The following WWOX variants were observed in gnomAD, a reference collection of about 807,000 sequenced individuals.
The protein encoded by WWOX is WW domain containing oxidoreductase.
Under a neutral mutation model 46.2 loss-of-function variants are expected in WWOX, and 69 were observed. The observed-to-expected ratio is 1.49, with a 90% CI of 1.23 to 1.82. The LOEUF (loss-of-function observed/expected upper bound fraction) is 1.82. Ranked by LOEUF, WWOX falls within the 40% of genes most tolerant of loss-of-function variation. The pLI is 0.00. For missense variants in WWOX, 919 were observed against 542.6 expected (o/e 1.69, Z -6.89); for synonymous variants, 359 against 202.6 (o/e 1.77, Z -6.56).
intron 8 of WWOX, among the ~76,000 whole-genome samples, chr16:78,980,438 G>A (rs994646359): frequency 2.6e-5 from 4 of 152,164 alleles, no homozygotes; most frequent in African/African-American, 9.7e-5. Flanking sequence ...CACTTGAATT[G>A]ACAACATCAC....
intron 8 of WWOX, among the ~76,000 whole-genome samples, chr16:78,900,488 A>G (rs1006752417): frequency 6.6e-6 from 1 of 152,180 alleles, no homozygotes. Flanking sequence ...CTGCCTCACA[A>G]CTTTCAAGAA....
At chr16:78,421,390 C>T (rs1005365754) in intron 6 of WWOX, among the ~76,000 whole-genome samples, 2 of 152,146 alleles carry the variant, frequency 1.3e-5, no homozygotes, top group Non-Finnish European at 1.5e-5. Flanking sequence ...CTTTCCATCT[C>T]CTTCTCTGTG....
At chr16:79,139,513 A>G (rs1274053019) in intron 8 of WWOX, among the ~76,000 whole-genome samples, 4 of 152,324 alleles carry the variant, frequency 2.6e-5, no homozygotes, top group South Asian at 2.1e-4. Flanking sequence ...CATCATTTTT[A>G]CTGATGTCCA....
chr16:78,618,589 T>G (rs1358930232), intron 8 of WWOX, among the ~76,000 whole-genome samples: 1 of 152,198 alleles, frequency 6.6e-6, no homozygotes, highest in African/African-American at 2.4e-5. Flanking sequence ...AGTCACATTG[T>G]GAGGTACTGG....
chr16:78,648,466 C>T (rs947381916), intron 8 of WWOX, among the ~76,000 whole-genome samples: 1 of 152,132 alleles, frequency 6.6e-6, no homozygotes, highest in Non-Finnish European at 1.5e-5. Context: ...AATGAGACAC[C>T]AAAGATACAC....
At chr16:78,967,271 C>A (rs868515988) in intron 8 of WWOX, among the ~76,000 whole-genome samples, 1 of 147,960 alleles carries the variant, frequency 6.8e-6, no homozygotes, top group South Asian at 2.2e-4. Flanking sequence ...GGCAACTACT[C>A]CTGCCTGCCG....
intron 8 of WWOX, among the ~76,000 whole-genome samples, chr16:79,150,702 C>T (rs1294071023): frequency 6.6e-6 from 1 of 152,080 alleles, no homozygotes; most frequent in Non-Finnish European, 1.5e-5. Flanking sequence ...CCCAGGCCAC[C>T]GTTTATGTTG....
intron 5 of WWOX, among the ~76,000 whole-genome samples, chr16:78,234,251 C>T (rs761952608): frequency 1.6e-4 from 24 of 152,062 alleles, no homozygotes; most frequent in Non-Finnish European, 2.8e-4. Flanking sequence ...ATGCTCTAAT[C>T]CCTAAATTTT....
At chr16:78,517,649 C>T (rs536958519) in intron 8 of WWOX, among the ~76,000 whole-genome samples, 14 of 152,170 alleles carry the variant, frequency 9.2e-5, no homozygotes, top group African/African-American at 2.2e-4. Context: ...CAGCGCTCCC[C>T]GCAATCCATG....
intron 5 of WWOX, among the ~76,000 whole-genome samples, chr16:78,356,697 A>G (rs1428926126): frequency 2.6e-5 from 4 of 152,224 alleles, no homozygotes; most frequent in South Asian, 4.2e-4. Context: ...CCTGGCCAGC[A>G]TGGTGAAACC....
intron 8 of WWOX, among the ~76,000 whole-genome samples, chr16:78,840,003 G>A (rs1384378124): frequency 6.6e-6 from 1 of 152,150 alleles, no homozygotes; most frequent in Non-Finnish European, 1.5e-5. Flanking sequence ...CCTTTTCTGA[G>A]CCACAGTTTC....
At chr16:78,109,478 T>C (rs1171279356) in intron 2 of WWOX, among the ~76,000 whole-genome samples, 1 of 152,210 alleles carries the variant, frequency 6.6e-6, no homozygotes, top group Non-Finnish European at 1.5e-5. Context: ...CATATGTTCT[T>C]TGAGCTCATT....
intron 5 of WWOX, among the ~76,000 whole-genome samples, chr16:78,316,694 T>C (rs2080363327): frequency 6.6e-6 from 1 of 152,154 alleles, no homozygotes; most frequent in Non-Finnish European, 1.5e-5. Flanking sequence ...CTGTATTGTC[T>C]TTTCTGCTGC....
At chr16:78,156,637 C>T (rs966987691) in intron 4 of WWOX, among the ~76,000 whole-genome samples, 32 of 152,222 alleles carry the variant, frequency 2.1e-4, no homozygotes, top group African/African-American at 7.5e-4. Context: ...ATAAATAAAG[C>T]TCTGTACTGG....
chr16:78,132,735 G>A (rs35327952), intron 4 of WWOX, among the ~76,000 whole-genome samples: 20,418 of 152,174 alleles, frequency 0.13, 1,551 homozygotes, highest in East Asian at 0.25. Context: ...CTTTGCTCCT[G>A]TTACGACTTA....
At chr16:78,749,924 G>A (rs1331727616) in intron 8 of WWOX, among the ~76,000 whole-genome samples, 1 of 152,154 alleles carries the variant, frequency 6.6e-6, no homozygotes, top group Non-Finnish European at 1.5e-5. Context: ...AGGTCAGAGA[G>A]TAGACTTTTA....
At chr16:78,214,311 T>G (rs531291955) in intron 5 of WWOX, among the ~76,000 whole-genome samples, 7 of 147,146 alleles carry the variant, frequency 4.8e-5, no homozygotes, top group African/African-American at 1.8e-4. Context: ...TGAACCTCTC[T>G]GAACTTCAAT....
intron 8 of WWOX, among the ~76,000 whole-genome samples, chr16:78,803,242 GT>G (rs570602530): frequency 0.011 from 1,572 of 145,006 alleles, 16 homozygotes; most frequent in African/African-American, 0.028. Flanking sequence ...AGAAGTGAGA[GT>G]TTTTTTTTTT....
Position 78,596,661 on chromosome 16 carries a change from T to C in WWOX, c.1056+163909T>C, listed in dbSNP as rs569598459. Among the ~76,000 whole-genome samples, 3 of 152,252 alleles carry C rather than the reference T, an allele frequency of 2.0e-5. No individual in the cohort carries two copies. The East Asian group carries it at 5.8e-4, about 29-fold the overall frequency. ...GTCCATTTGTGGGGAGAACACGGAC[T>C]GTGTCATTGGAAGCCAGCAGGGAGA... is the stretch of plus-strand genomic sequence containing the variant. On this transcript the variant is annotated intron_variant, in intron 8 of 8. Coordinates refer to ENST00000566780, the MANE Select transcript of WWOX (RefSeq NM_016373.4).
Sources: allele counts gnomAD v4.1 joint callset (sites outside exome capture counted in the v4.1 genomes callset), GRCh38; gene constraint gnomAD v4.1.1; transcripts MANE v1.5; gene names NCBI Gene and HGNC (gene_info 2026-07-23, HGNC 2026-07-21).